ROBO3: variants seen among roughly 807,000 people sequenced by gnomAD.
ROBO3 encodes roundabout homolog 3.
ROBO3 carries 97 observed loss-of-function variants against 160.5 expected under a neutral mutation model. The ratio of observed to expected loss-of-function variants is 0.60; its 90% CI spans 0.51 to 0.72. ROBO3 has a LOEUF of 0.72. ROBO3 is among the 30% of genes least tolerant of loss of function. ROBO3 has a pLI of 0.00. For synonymous variants in ROBO3, 780 were observed against 746.2 expected (o/e 1.05, Z -0.74); for missense variants, 1,858 against 1,846.5 (o/e 1.01, Z -0.11).
rs1386581863 is a variant in ROBO3 at position 124,875,352 on chromosome 11, G to A, written c.2299+16G>A. Reference sequence around the variant, plus strand: ...CCTGAGGAGGGTAAGGAGGGCCACCGAACAGATGGATGGACAAGAGGGAAG... The same window carrying A: ...CCTGAGGAGGGTAAGGAGGGCCACCAAACAGATGGATGGACAAGAGGGAAG... On this transcript the variant is annotated intron_variant, in intron 14 of 27. Coordinates refer to ENST00000397801, the MANE Select transcript of ROBO3 (RefSeq NM_022370.4). 4.8e-6 allele frequency: 6 copies of A among 1,254,458 alleles called. No individual in the cohort carries two copies. The highest frequency in any genetic ancestry group is 1.5e-5 in the African/African-American group (1 of 64,644). The allele number at this position is 1,254,458 out of a possible 1,614,324, so 77.7% of individuals were successfully genotyped here. A position where few individuals can be genotyped will look rare whatever the true frequency, so the allele number is the denominator to read the frequency against.
Position 124,879,812 on chromosome 11 carries a change from G to A in ROBO3, c.3822G>A (p.Pro1274=), listed in dbSNP as rs11219826. The A allele has an allele frequency of 1.8e-4, 289 of 1,613,836 alleles. 4 individuals carry two copies. In the East Asian group the frequency reaches 3.7e-3, roughly 21 times the overall value. The change falls in exon 26 of 28, where the codon CCG becomes CCA. Residue 1274 remains proline, a synonymous_variant. Transcript: ENST00000397801. ...ACTTGCCCCCACCACCCTTGCCACCGCCAGAGGAAGAGGCGAGCTGGGCCC... is the reference window on the plus strand; with the variant it reads ...ACTTGCCCCCACCACCCTTGCCACCACCAGAGGAAGAGGCGAGCTGGGCCC... ...PGDLPPPPLP[P]PEEEASWALE... is the part of the protein sequence containing the mutation.
chr11:124,878,966 A>C lies in ROBO3; in HGVS notation c.3533+170A>C. 1 of 762,804 alleles carries C rather than the reference A, an allele frequency of 1.3e-6. No homozygotes were observed. The allele number at this position is 762,804 out of a possible 1,614,324, so 47.3% of individuals were successfully genotyped here. ...GGGCAGGAATATGGAGGCTGACAAGATCTCTCATGCCCATTAGACTGGCTC... is the reference window on the plus strand; with the variant it reads ...GGGCAGGAATATGGAGGCTGACAAGCTCTCTCATGCCCATTAGACTGGCTC... On this transcript the variant is annotated intron_variant, in intron 23 of 27. Transcript: ENST00000397801. This position sits in a 1 kb window ranked among gnomAD's most constrained non-coding sequence, Gnocchi z 4.3.
rs1302546754 is a variant in ROBO3 at position 124,869,767 on chromosome 11, C to T, written c.645+160C>T. Among the ~76,000 whole-genome samples the T allele has an allele frequency of 1.3e-5, 2 of 152,156 alleles. No homozygotes were observed. The highest frequency in any genetic ancestry group is 2.9e-5 in the Non-Finnish European group (2 of 68,030). On this transcript the variant is annotated intron_variant, in intron 3 of 27. Transcript: ENST00000397801. The surrounding 1 kb of genome is among the most constrained non-coding windows in gnomAD (Gnocchi z 4.2). ...AGACGGAATTGGTATAAAAAAGGGGCGGGGGCATGATGCCCCAGGAACTTC... is the reference window on the plus strand; with the variant it reads ...AGACGGAATTGGTATAAAAAAGGGGTGGGGGCATGATGCCCCAGGAACTTC...
intron 15 of ROBO3, 97 bp downstream of exon 15, chr11:124,875,782 G>A: frequency 6.6e-7 from 1 of 1,509,394 alleles, no homozygotes; most frequent in Non-Finnish European, 9.1e-7. Context: ...TCTATTACAG[G>A]TTTGGCTTTA....
rs1946363713 is a variant in ROBO3, at chr11:124,876,222, C to A, written c.2594-53C>A. On this transcript the variant is annotated intron_variant, in intron 16 of 27. Coordinates refer to ENST00000397801, the MANE Select transcript of ROBO3 (RefSeq NM_022370.4). This position sits in a 1 kb window ranked among gnomAD's most constrained non-coding sequence, Gnocchi z 5.3. ...CCTGCCGGGTCGGGAATGACCCTTTCCCAGTTCCAGGGTTTCGGGCCCCTC... is the reference window on the plus strand; with the variant it reads ...CCTGCCGGGTCGGGAATGACCCTTTACCAGTTCCAGGGTTTCGGGCCCCTC... 1.3e-6 allele frequency: 2 copies of A among 1,502,722 alleles called. No homozygotes were observed. The highest frequency in any genetic ancestry group is 8.8e-7 in the Non-Finnish European group (1 of 1,134,028). The allele number at this position is 1,502,722 out of a possible 1,614,324, so 93.1% of individuals were successfully genotyped here.
In ROBO3 at chr11:124,865,516, C is replaced by A. The variant is rs1013644409; in HGVS notation, c.-62C>A. 5 of 1,540,160 alleles carry A rather than the reference C, an allele frequency of 3.2e-6. No homozygotes were observed. The African/African-American group carries it at 4.1e-5, about 13-fold the overall frequency. ...GGAGGGGCTTACGGCTCCCAGCCCA[C>A]GGGTCTCAGACCCAGGGGCTGGGCC... On this transcript the variant is annotated 5_prime_UTR_variant, in exon 1 of 28. Coordinates refer to ENST00000397801, the MANE Select transcript of ROBO3 (RefSeq NM_022370.4). The surrounding 1 kb of genome is among the most constrained non-coding windows in gnomAD (Gnocchi z 5.5).
chr11:124,872,505 G>A lies in ROBO3; in HGVS notation c.1283G>A (p.Ser428Asn), dbSNP rs1168915550. Residue 428 changes from serine (S) to asparagine (N), a missense_variant, in exon 8 of 28, where the codon AGT becomes AAT. Transcript: ENST00000397801. The surrounding 1 kb of genome is among the most constrained non-coding windows in gnomAD (Gnocchi z 4.3). Reference protein sequence around the residue: ...DAGYYVCQAVSVAGSILAKAL... With the variant: ...DAGYYVCQAVNVAGSILAKAL... The stretch of plus-strand genomic sequence containing the variant: ...GGGTACTACGTGTGCCAGGCTGTCA[G>A]TGTGGCTGGCAGCATCCTGGCCAAG... The A allele has an allele frequency of 1.2e-6, 2 of 1,614,030 alleles. No homozygotes were observed. Among genetic ancestry groups the A allele is most frequent in the Non-Finnish European group, 1.7e-6 (2 of 1,179,888 alleles).
chr11:124,877,219 C>G, intron 18 of ROBO3, 35 bp downstream of exon 18: 4 of 1,613,976 alleles, frequency 2.5e-6, no homozygotes, highest in Non-Finnish European at 3.4e-6. Flanking sequence ...GTTCAGACCC[C>G]CCGGGACGGG....
rs1946190248 is a variant in ROBO3 at position 124,865,912 on chromosome 11, G to T, written c.160+175G>T. 6.6e-6 allele frequency among the ~76,000 whole-genome samples: 1 copy of T among 152,238 alleles called. No homozygotes were observed. Among genetic ancestry groups the T allele is most frequent in the Admixed American group, 6.5e-5 (1 of 15,292 alleles). On this transcript the variant is annotated intron_variant, in intron 1 of 27. Transcript: ENST00000397801. This position sits in a 1 kb window ranked among gnomAD's most constrained non-coding sequence, Gnocchi z 5.5. Reference sequence around the variant, plus strand: ...AATTTGGAGCTTCGAGCACATGAGTGGGGGTACCCGCGGGAGGTCGAGGGC... The same window carrying T: ...AATTTGGAGCTTCGAGCACATGAGTTGGGGTACCCGCGGGAGGTCGAGGGC...
In ROBO3 at chr11:124,869,048, C is replaced by G. The variant is rs745551525; in HGVS notation, c.407C>G (p.Pro136Arg). ...ATCGTGCACGGGCGCCGCGCGCGGCCGGACGAAGGTGTCTACACTTGCGTG... is the reference window on the plus strand; with the variant it reads ...ATCGTGCACGGGCGCCGCGCGCGGCGGGACGAAGGTGTCTACACTTGCGTG... ...PRIVHGRRARPDEGVYTCVAR... is the reference protein window; with the variant it reads ...PRIVHGRRARRDEGVYTCVAR... Residue 136 changes from proline to arginine, a missense_variant, in exon 2 of 28, where the codon CCG becomes CGG. Coordinates refer to ENST00000397801, the MANE Select transcript of ROBO3 (RefSeq NM_022370.4). This position sits in a 1 kb window ranked among gnomAD's most constrained non-coding sequence, Gnocchi z 4.2. 6.2e-7 allele frequency: 1 copy of G among 1,602,880 alleles called. No homozygotes were observed. Among genetic ancestry groups the G allele is most frequent in the Non-Finnish European group, 8.5e-7 (1 of 1,175,286 alleles).
chr11:124,880,490 C>T lies in ROBO3; in HGVS notation c.4031C>T (p.Ala1344Val), dbSNP rs2135350699. ...CAGGGCACCAGCACATGTTCCACGGCCGGCAGCAACTCTTCCAGGGGCTCC... is the reference window on the plus strand; with the variant it reads ...CAGGGCACCAGCACATGTTCCACGGTCGGCAGCAACTCTTCCAGGGGCTCC... Reference protein sequence around the residue: ...RGQGTSTCSTAGSNSSRGSSS... With the variant: ...RGQGTSTCSTVGSNSSRGSSS... Residue 1344 changes from alanine to valine, a missense_variant, in exon 27 of 28, where the codon GCC becomes GTC. By Grantham distance (64) the Ala-to-Val change is moderately conservative. Transcript: ENST00000397801. 1 of 1,603,726 alleles carries T rather than the reference C, an allele frequency of 6.2e-7. No individual in the cohort carries two copies.
chr11:124,879,696 T>C (rs1400500763), intron 25 of ROBO3, 91 bp from the exon 26 acceptor site: 76 of 1,575,030 alleles, frequency 4.8e-5, no homozygotes, highest in Non-Finnish European at 6.2e-5. Flanking sequence ...GGCTGTTCAT[T>C]GGCAGCCTCC....
chr11:124,869,429 G>GCA lies in ROBO3; in HGVS notation c.488-20_488-19insAC, dbSNP rs1555044941. 2.0e-5 allele frequency: 26 copies of GCA among 1,301,822 alleles called. 3 individuals are homozygous for GCA. The South Asian group carries it at 3.3e-4, about 16-fold the overall frequency. 80.6% of individuals were successfully genotyped at this position (1,301,822 alleles called of 1,614,324 possible). On this transcript the variant is annotated intron_variant, in intron 2 of 27. Coordinates refer to ENST00000397801, the MANE Select transcript of ROBO3 (RefSeq NM_022370.4). The surrounding 1 kb of genome is among the most constrained non-coding windows in gnomAD (Gnocchi z 4.2). Reference sequence around the variant, plus strand: ...TGTCACTCTACACCCTGCTTATTTCGCCCCCCACCGCCCCGCCCAGTCCTC... The same window carrying GCA: ...TGTCACTCTACACCCTGCTTATTTCGCACCCCCCACCGCCCCGCCCAGTCCTC...
chr11:124,880,673 T>G, intron 27 of ROBO3, 65 bp downstream of exon 27: 1 of 1,451,834 alleles, frequency 6.9e-7, no homozygotes. Context: ...CAAGGCGTAA[T>G]GGAAAACAGG....
intron 15 of ROBO3, 80 bp from the exon 16 acceptor site, chr11:124,875,874 C>G: frequency 6.6e-7 from 1 of 1,506,710 alleles, no homozygotes; most frequent in Non-Finnish European, 9.1e-7. Flanking sequence ...TAAGGCTTCT[C>G]TACCATTTGG....
chr11:124,870,601 G>A lies in ROBO3; in HGVS notation c.906G>A (p.Arg302=). Residue 302 remains arginine, a splice_region_variant and synonymous_variant, in exon 6 of 28, where the codon AGG becomes AGA. Transcript: ENST00000397801. ...CAGCCTGGGGTGGGGAGTGGAGCAG[G>A]TATGAGATCCGGAGTGACCACAGCC... The part of the protein sequence containing the change: ...RKEDGELPTG[R]YEIRSDHSLW... 1 of 1,613,824 alleles carries A rather than the reference G, an allele frequency of 6.2e-7. No homozygotes were observed. The highest frequency in any genetic ancestry group is 8.5e-7 in the Non-Finnish European group (1 of 1,179,862).
At position 124,881,347 on chromosome 11, in the gene ROBO3, C is replaced by A. The variant is rs1946579234; in HGVS notation, c.*97C>A. On this transcript the variant is annotated 3_prime_UTR_variant, in exon 28 of 28. Transcript: ENST00000397801. ...CAGTGATGAGTGGGGCTAGCTGAAG[C>A]CCATTGGTTTCCACGATTTCAATTG... 1.0e-5 allele frequency: 13 copies of A among 1,245,812 alleles called. No homozygotes were observed. Among genetic ancestry groups the A allele is most frequent in the Non-Finnish European group, 1.5e-5 (13 of 872,986 alleles). 77.2% of individuals were successfully genotyped at this position (1,245,812 alleles called of 1,614,324 possible).
intron 17 of ROBO3, 151 bp from the exon 18 acceptor site, chr11:124,877,010 C>A: frequency 1.1e-6 from 1 of 878,180 alleles, no homozygotes; most frequent in Non-Finnish European, 1.9e-6. Flanking sequence ...CACCTGAGTC[C>A]CACCCCCGAG....
At chr11:124,870,912 C>T (rs1946272650) in intron 6 of ROBO3, 102 bp from the exon 7 acceptor site, 1 of 1,533,320 alleles carries the variant, frequency 6.5e-7, no homozygotes. Flanking sequence ...ATATCTGCTC[C>T]TGTACACTTG....
Sources: allele counts gnomAD v4.1 joint callset (sites outside exome capture counted in the v4.1 genomes callset), GRCh38; gene constraint gnomAD v4.1.1; non-coding constraint Gnocchi (gnomAD v3.1); transcripts MANE v1.5; gene names NCBI Gene and HGNC (gene_info 2026-07-23, HGNC 2026-07-21).